GSN: variants seen among roughly 807,000 people sequenced by gnomAD.
GSN encodes the protein actin-depolymerizing factor.
GSN carries 56 observed loss-of-function variants against 85.7 expected under a neutral mutation model. That is an observed-to-expected ratio of 0.65 (90% CI 0.53 to 0.82). The LOEUF (loss-of-function observed/expected upper bound fraction) is 0.82. Among genes scored for constraint, GSN ranks in the 40% least tolerant of loss-of-function variants. GSN has a pLI of 0.00. For missense variants in GSN, 857 were observed against 979.8 expected (o/e 0.87, Z 1.67); for synonymous variants, 373 against 399.1 (o/e 0.93, Z 0.78).
chr9:121,242,188 G>T (rs2054617343), intron 5 of GSN, among the ~76,000 whole-genome samples: 1 of 152,194 alleles, frequency 6.6e-6, no homozygotes, highest in African/African-American at 2.4e-5. Flanking sequence ...CCTAGTAAAA[G>T]CTCAATAAAT....
At chr9:121,314,079 G>C in intron 7 of GSN, 56 bp downstream of exon 7, 12 of 1,366,172 alleles carry the variant, frequency 8.8e-6, no homozygotes, top group Non-Finnish European at 1.2e-5. Flanking sequence ...GGAGGTGGAA[G>C]ACTTGGTCTT....
intron 1 of GSN, among the ~76,000 whole-genome samples, chr9:121,272,226 C>T (rs1251914348): frequency 6.6e-6 from 1 of 152,156 alleles, no homozygotes; most frequent in Non-Finnish European, 1.5e-5. Flanking sequence ...CTGCCATATG[C>T]CTGCTCTCGT....
At chr9:121,280,559 G>A (rs1341753221) in intron 1 of GSN, 2 of 152,202 alleles carry the variant, frequency 1.3e-5, no homozygotes, top group East Asian at 1.9e-4. Context: ...CATATCAACA[G>A]GGTGGGTCCC....
In GSN at chr9:121,318,639, C is replaced by A; in HGVS notation, c.976-26C>A. The A allele has an allele frequency of 6.3e-7, 1 of 1,576,162 alleles. No individual in the cohort carries two copies. The highest frequency in any genetic ancestry group is 8.7e-7 in the Non-Finnish European group (1 of 1,145,524). On this transcript the variant is annotated intron_variant, in intron 9 of 17. Transcript: ENST00000432226. The surrounding 1 kb of genome is among the most constrained non-coding windows in gnomAD (Gnocchi z 4.3). The stretch of plus-strand genomic sequence containing the variant: ...CCCCTGCTGGGCAGCCCAGCCACAT[C>A]CTGCTCCTCTGCCTCCCCTCCCCAG...
intron 2 of GSN, among the ~76,000 whole-genome samples, chr9:121,301,172 C>T (rs2059801923): frequency 6.6e-6 from 1 of 152,168 alleles, no homozygotes; most frequent in South Asian, 2.1e-4. Flanking sequence ...CCCTGGGGAC[C>T]CTTAGATTTA....
At chr9:121,230,989 T>A (rs1206967973) in intron 4 of GSN, among the ~76,000 whole-genome samples, 2 of 152,170 alleles carry the variant, frequency 1.3e-5, no homozygotes, top group Non-Finnish European at 2.9e-5. Flanking sequence ...ACTCAATGGA[T>A]TTCATGAGCA....
At chr9:121,268,794 G>T (rs1588536397) in intron 1 of GSN, among the ~76,000 whole-genome samples, 1 of 152,300 alleles carries the variant, frequency 6.6e-6, no homozygotes, top group Middle Eastern at 3.4e-3. Context: ...TCCCTTCCCT[G>T]ACTCACACGG....
rs564685016 is a variant in GSN, at chr9:121,299,884, C to T, written c.-9-2079C>T. Reference sequence around the variant, plus strand: ...ACCATGGCTCCGCACCGCCCCGCGCCCGCGCTGCTTTGCGCGCTGTCCCTG... The same window carrying T: ...ACCATGGCTCCGCACCGCCCCGCGCTCGCGCTGCTTTGCGCGCTGTCCCTG... On this transcript the variant is annotated intron_variant, in intron 2 of 17. Coordinates refer to ENST00000432226, the MANE Select transcript of GSN (RefSeq NM_198252.3). This position sits in a 1 kb window ranked among gnomAD's most constrained non-coding sequence, Gnocchi z 4.2. The T allele has an allele frequency of 1.1e-5, 15 of 1,322,224 alleles. No individual in the cohort carries two copies. In the South Asian group the frequency reaches 2.3e-4, roughly 20 times the overall value. 81.9% of individuals were successfully genotyped at this position (1,322,224 alleles called of 1,614,324 possible).
At chr9:121,267,688 C>T (rs565484016), upstream of GSN, among the ~76,000 whole-genome samples, 2 of 152,336 alleles carry the variant, frequency 1.3e-5, no homozygotes, top group Non-Finnish European at 2.9e-5. Flanking sequence ...GCTCTTCCTC[C>T]TTATTCCCTT....
upstream of GSN, among the ~76,000 whole-genome samples, chr9:121,263,888 CAAAAAAAA>C (rs34342246): frequency 1.4e-5 from 1 of 70,550 alleles, no homozygotes; most frequent in Non-Finnish European, 2.7e-5. Context: ...AACTCCATCT[CAAAAAAAA>C]AAAAAAAAAA....
intron 11 of GSN, among the ~76,000 whole-genome samples, chr9:121,323,254 C>G (rs1215816649): frequency 1.3e-5 from 2 of 152,034 alleles, no homozygotes; most frequent in Non-Finnish European, 2.9e-5. Flanking sequence ...ATGTTCACAT[C>G]TTACATAACC....
chr9:121,224,387 C>CCG, intron 4 of GSN, among the ~76,000 whole-genome samples: 1 of 152,308 alleles, frequency 6.6e-6, no homozygotes, highest in East Asian at 1.9e-4. Flanking sequence ...GCGTGAGCCA[C>CCG]CGCGCCCGGT....
intron 14 of GSN, 72 bp downstream of exon 14, chr9:121,327,554 T>A (rs746847315): frequency 1.4e-5 from 18 of 1,293,032 alleles, no homozygotes; most frequent in Non-Finnish European, 1.9e-5. Flanking sequence ...TTCCTTCAGC[T>A]TGGGGGCTCT....
chr9:121,250,822 C>G (rs1443936813), intron 6 of GSN, among the ~76,000 whole-genome samples: 2 of 150,334 alleles, frequency 1.3e-5, no homozygotes, highest in Non-Finnish European at 3.0e-5. Flanking sequence ...CAGGTGTGAG[C>G]CACCATGCCC....
chr9:121,293,021 T>C (rs944610999), intron 2 of GSN, among the ~76,000 whole-genome samples: 3 of 152,188 alleles, frequency 2.0e-5, no homozygotes, highest in African/African-American at 7.2e-5. Flanking sequence ...GAGGAAATCT[T>C]GGCCATAGTT....
intron 6 of GSN, among the ~76,000 whole-genome samples, chr9:121,259,960 G>A (rs1199858506): frequency 6.6e-6 from 1 of 152,194 alleles, no homozygotes; most frequent in Non-Finnish European, 1.5e-5. Flanking sequence ...CCCTACAGGG[G>A]GACATGTAGG....
At chr9:121,300,412 G>T (rs1328338879) in intron 2 of GSN, among the ~76,000 whole-genome samples, 1 of 151,220 alleles carries the variant, frequency 6.6e-6, no homozygotes, top group Non-Finnish European at 1.5e-5. Flanking sequence ...CTTCTTTCTT[G>T]TATGACCTCG....
At chr9:121,220,083 A>C (rs569079216) in intron 4 of GSN, among the ~76,000 whole-genome samples, 1 of 152,214 alleles carries the variant, frequency 6.6e-6, no homozygotes, top group South Asian at 2.1e-4. Context: ...GGGTTTCTCC[A>C]TGTTGGTCAG....
chr9:121,291,336 A>G (rs1017404655), intron 2 of GSN, among the ~76,000 whole-genome samples: 2 of 151,704 alleles, frequency 1.3e-5, no homozygotes, highest in Non-Finnish European at 1.5e-5. Flanking sequence ...AGATTTTGGT[A>G]TCTGAGGGAG....
Sources: gnomAD v4.1 joint callset for allele counts (sites outside exome capture counted in the v4.1 genomes callset) on GRCh38, gnomAD v4.1.1 for gene constraint, Gnocchi (gnomAD v3.1) non-coding constraint, MANE v1.5 for transcripts, NCBI Gene and HGNC (gene_info 2026-07-23, HGNC 2026-07-21) for gene names.